Variants in ZBTB44 observed in about 807,000 individuals in gnomAD.
ZBTB44 encodes zinc finger and BTB domain containing 44.
A neutral mutation model predicts 54.0 loss-of-function variants in ZBTB44; 15 were observed. That is an observed-to-expected ratio of 0.28 (90% CI 0.19 to 0.43). ZBTB44 has a LOEUF of 0.43. Among genes scored for constraint, ZBTB44 ranks in the 20% least tolerant of loss-of-function variants. ZBTB44 has a pLI of 1.00. For missense variants in ZBTB44, 487 were observed against 707.1 expected, an observed-to-expected ratio of 0.69 and a Z score of 3.53; for synonymous variants, 230 against 250.1, an observed-to-expected ratio of 0.92 and a Z score of 0.76.
chr11:130,295,668 C>A, intron 1 of ZBTB44: 3 of 1,275,960 alleles, frequency 2.4e-6, no homozygotes, highest in Non-Finnish European at 3.4e-6. Flanking sequence ...GACTGAAATT[C>A]AGCATGAAAG....
rs1940390562 is a variant in ZBTB44, at chr11:130,279,999, C to T, written c.-56-18070G>A. 3.9e-5 allele frequency among the ~76,000 whole-genome samples: 6 copies of T among 152,268 alleles called. 1 individual carries two copies. Among genetic ancestry groups the T allele is most frequent in the South Asian group, 2.1e-4 (1 of 4,820 alleles). ...CAGAATGAAATCCCTGCTCTAGGAG[C>T]TGAGTACTTGGCAGAAAGGGGGACA... On this transcript the variant is annotated intron_variant, in intron 1 of 7. Coordinates refer to ENST00000357899, the MANE Select transcript of ZBTB44 (RefSeq NM_001301098.2).
In ZBTB44 at chr11:130,227,141, A is replaced by G. The variant is rs1206307397; in HGVS notation, c.*4623T>C. The stretch of plus-strand genomic sequence containing the variant: ...TATATATATGTAGTCACCAAGAACT[A>G]TGGTTCCTGTAAAATACTAATAGCC... On this transcript the variant is annotated 3_prime_UTR_variant, in exon 8 of 8. Transcript: ENST00000357899. The G allele has an allele frequency of 6.6e-6, 1 of 152,212 alleles. No individual in the cohort carries two copies. The highest frequency in any genetic ancestry group is 1.5e-5 in the Non-Finnish European group (1 of 68,052). The allele number at this position is 152,212 out of a possible 1,614,324, so 9.4% of individuals were successfully genotyped here.
At chr11:130,238,743 G>T in intron 3 of ZBTB44, 136 bp from the exon 4 acceptor site, 2 of 890,456 alleles carry the variant, frequency 2.2e-6, no homozygotes, top group Non-Finnish European at 3.1e-6. Flanking sequence ...TAGACTTCAA[G>T]TTTTACTTTA....
rs1246529035 is a variant in ZBTB44 at position 130,262,908 on chromosome 11, A to C, written c.-56-979T>G. Reference sequence around the variant, plus strand: ...CCCTGTCTCTACAAAAAAACACATAAAAATTAGGCGGGTGTGGTGGCATGG... The same window carrying C: ...CCCTGTCTCTACAAAAAAACACATACAAATTAGGCGGGTGTGGTGGCATGG... On this transcript the variant is annotated intron_variant, in intron 1 of 7. Coordinates refer to ENST00000357899, the MANE Select transcript of ZBTB44 (RefSeq NM_001301098.2). Among the ~76,000 whole-genome samples, 4 of 152,178 alleles carry C rather than the reference A, an allele frequency of 2.6e-5. No homozygotes were observed. The East Asian group carries it at 7.7e-4, about 29-fold the overall frequency.
intron 1 of ZBTB44, among the ~76,000 whole-genome samples, chr11:130,313,907 G>GGT (rs59629267): frequency 0.56 from 82,993 of 149,100 alleles, 25,927 homozygotes; most frequent in South Asian, 0.71. Context: ...AAGGAAAAGA[G>GGT]GTGTGTGTGT....
chr11:130,302,656 C>A (rs1406632163), intron 1 of ZBTB44, among the ~76,000 whole-genome samples: 1 of 152,188 alleles, frequency 6.6e-6, no homozygotes, highest in East Asian at 1.9e-4. Context: ...CACATACACA[C>A]AACAGTAACC....
intron 1 of ZBTB44, among the ~76,000 whole-genome samples, chr11:130,279,411 C>T (rs1186815532): frequency 6.6e-6 from 1 of 151,782 alleles, no homozygotes; most frequent in Non-Finnish European, 1.5e-5. Flanking sequence ...GTAATACCAG[C>T]ACTTTGGAAA....
At chr11:130,276,855 C>G (rs1037127083) in intron 1 of ZBTB44, among the ~76,000 whole-genome samples, 1 of 152,136 alleles carries the variant, frequency 6.6e-6, no homozygotes. Flanking sequence ...TGCAACATAA[C>G]TGTTACAGCT....
At chr11:130,234,331 G>A in intron 5 of ZBTB44, 58 bp from the exon 6 acceptor site, 7 of 1,445,460 alleles carry the variant, frequency 4.8e-6, no homozygotes, top group Non-Finnish European at 6.4e-6. Flanking sequence ...TAATAGATAA[G>A]CAACAGTAAA....
In ZBTB44 at chr11:130,234,291, G is replaced by A. The variant is rs774489746; in HGVS notation, c.1569-18C>T. On this transcript the variant is annotated intron_variant, in intron 5 of 7. Transcript: ENST00000357899. Reference sequence around the variant, plus strand: ...GGAAATCACTAGATAAGAGGCAAAGGATGAAATATGGAATTAATTTTCAAA... The same window carrying A: ...GGAAATCACTAGATAAGAGGCAAAGAATGAAATATGGAATTAATTTTCAAA... 4.7e-5 allele frequency: 71 copies of A among 1,510,556 alleles called. No individual in the cohort carries two copies. Among genetic ancestry groups the A allele is most frequent in the Non-Finnish European group, 5.8e-5 (65 of 1,128,294 alleles). 93.6% of individuals were successfully genotyped at this position (1,510,556 alleles called of 1,614,324 possible).
At chr11:130,263,281 G>A (rs1939012710) in intron 1 of ZBTB44, among the ~76,000 whole-genome samples, 1 of 152,124 alleles carries the variant, frequency 6.6e-6, no homozygotes, top group African/African-American at 2.4e-5. Context: ...ACCACAATGA[G>A]ACACTAGACA....
At chr11:130,280,804 T>C (rs920149147) in intron 1 of ZBTB44, among the ~76,000 whole-genome samples, 1 of 152,250 alleles carries the variant, frequency 6.6e-6, no homozygotes, top group African/African-American at 2.4e-5. Context: ...AATAATCAGG[T>C]CTCTCAATAA....
At position 130,309,350 on chromosome 11, in the gene ZBTB44, C is replaced by T. The variant is rs542971812; in HGVS notation, c.-57+5025G>A. Among the ~76,000 whole-genome samples, 158 of 152,340 alleles carry T rather than the reference C, an allele frequency of 1.0e-3. 1 individual carries two copies. Among genetic ancestry groups the T allele is most frequent in the African/African-American group, 3.6e-3 (150 of 41,582 alleles). ...AGGATGAACACAGGAAAACACACTA[C>T]AGGCACAGTTTTGCTTTTCAGCACT... On this transcript the variant is annotated intron_variant, in intron 1 of 7. Transcript: ENST00000357899.
chr11:130,299,606 C>T (rs970583253), intron 1 of ZBTB44, among the ~76,000 whole-genome samples: 1 of 151,398 alleles, frequency 6.6e-6, no homozygotes, highest in African/African-American at 2.4e-5. Context: ...GACTTACCAC[C>T]TCATACCCAT....
intron 1 of ZBTB44, among the ~76,000 whole-genome samples, chr11:130,278,388 G>A (rs909364745): frequency 6.6e-6 from 1 of 152,192 alleles, no homozygotes; most frequent in Non-Finnish European, 1.5e-5. Flanking sequence ...GGTTTCTACT[G>A]AATGCTTTAT....
At chr11:130,304,133 G>A (rs1451775394) in intron 1 of ZBTB44, among the ~76,000 whole-genome samples, 1 of 152,066 alleles carries the variant, frequency 6.6e-6, no homozygotes, top group East Asian at 1.9e-4. Flanking sequence ...AATATTTCTA[G>A]CTCATTGCTT....
intron 1 of ZBTB44, among the ~76,000 whole-genome samples, chr11:130,308,946 G>A (rs1483043824): frequency 1.3e-5 from 2 of 152,164 alleles, no homozygotes; most frequent in East Asian, 3.8e-4. Flanking sequence ...AAGCAGATAA[G>A]GTATAAGTCT....
intron 1 of ZBTB44, among the ~76,000 whole-genome samples, chr11:130,302,153 T>C (rs1483126665): frequency 2.0e-5 from 3 of 152,224 alleles, no homozygotes; most frequent in African/African-American, 7.2e-5. Context: ...TTACATATTA[T>C]GTAACTTAAT....
chr11:130,279,367 A>G (rs543817130), intron 1 of ZBTB44, among the ~76,000 whole-genome samples: 14 of 152,164 alleles, frequency 9.2e-5, no homozygotes, highest in African/African-American at 3.4e-4. Context: ...TGAAATCAAA[A>G]TGTGGCTCAG....
Sources: gnomAD v4.1 joint callset for allele counts (sites outside exome capture counted in the v4.1 genomes callset) on GRCh38, gnomAD v4.1.1 for gene constraint, MANE v1.5 for transcripts, NCBI Gene and HGNC (gene_info 2026-07-23, HGNC 2026-07-21) for gene names.